GRID1: variants seen among roughly 807,000 people sequenced by gnomAD.
GRID1 encodes glutamate receptor ionotropic, delta-1.
In GRID1, 28 loss-of-function variants were observed where a neutral mutation model predicts 98.0. The observed-to-expected ratio is 0.29, with a 90% confidence interval of 0.21 to 0.39. GRID1 has a LOEUF of 0.39. Among genes scored for constraint, GRID1 ranks in the 10% least tolerant of loss-of-function variants. The pLI is 1.00. For synonymous variants in GRID1, 553 were observed against 538.5 expected, an observed-to-expected ratio of 1.03 and a Z score of -0.37; for missense variants, 1,111 against 1,340.5, an observed-to-expected ratio of 0.83 and a Z score of 2.67.
chr10:86,329,017 C>G (rs1424851450), intron 2 of GRID1, among the ~76,000 whole-genome samples: 1 of 152,216 alleles, frequency 6.6e-6, no homozygotes, highest in Non-Finnish European at 1.5e-5. Flanking sequence ...AGCCCAAAAG[C>G]CCTGTCACTA....
intron 2 of GRID1, among the ~76,000 whole-genome samples, chr10:86,215,879 G>A (rs1846170450): frequency 6.6e-6 from 1 of 152,084 alleles, no homozygotes; most frequent in Non-Finnish European, 1.5e-5. Flanking sequence ...AGTGATCAAA[G>A]TCCAGTTTGT....
chr10:86,239,761 G>A lies in GRID1; in HGVS notation c.236-33113C>T, dbSNP rs560519327. On this transcript the variant is annotated intron_variant, in intron 2 of 15. Coordinates refer to ENST00000327946, the MANE Select transcript of GRID1 (RefSeq NM_017551.3). ...CTTTCACCTTCCACCACGATTGTACGTTTTCAGAGGCCTCCTAACCATGCC... is the reference window on the plus strand; with the variant it reads ...CTTTCACCTTCCACCACGATTGTACATTTTCAGAGGCCTCCTAACCATGCC... 2.2e-4 allele frequency among the ~76,000 whole-genome samples: 34 copies of A among 152,270 alleles called. No individual in the cohort carries two copies. In the South Asian group the frequency reaches 3.3e-3, roughly 15 times the overall value.
At chr10:86,080,693 G>A (rs1490872144) in intron 4 of GRID1, among the ~76,000 whole-genome samples, 5 of 152,100 alleles carry the variant, frequency 3.3e-5, no homozygotes, top group Non-Finnish European at 7.4e-5. Flanking sequence ...GGAGTCAAGT[G>A]CAAGAGGTAC....
At chr10:85,882,575 G>T (rs1589286508) in intron 5 of GRID1, among the ~76,000 whole-genome samples, 2 of 152,064 alleles carry the variant, frequency 1.3e-5, no homozygotes, top group Admixed American at 1.3e-4. Context: ...TGAACAATGA[G>T]AACACATGGA....
intron 6 of GRID1, among the ~76,000 whole-genome samples, chr10:85,859,609 C>T (rs897709634): frequency 1.3e-5 from 2 of 152,122 alleles, no homozygotes; most frequent in Non-Finnish European, 2.9e-5. Context: ...TGTCTAAAAC[C>T]TCCTCAAAAC....
At chr10:85,983,393 C>A (rs181607035) in intron 4 of GRID1, among the ~76,000 whole-genome samples, 2 of 152,344 alleles carry the variant, frequency 1.3e-5, no homozygotes, top group Admixed American at 1.3e-4. Flanking sequence ...GCCCACTGCA[C>A]GGGACCCCAG....
At chr10:85,871,466 G>A (rs960046446) in intron 5 of GRID1, among the ~76,000 whole-genome samples, 2 of 152,158 alleles carry the variant, frequency 1.3e-5, no homozygotes, top group Non-Finnish European at 2.9e-5. Flanking sequence ...GGGCTAGCCA[G>A]GTTAAGAAAA....
chr10:85,920,079 G>A, intron 4 of GRID1, among the ~76,000 whole-genome samples: 1 of 152,168 alleles, frequency 6.6e-6, no homozygotes. Flanking sequence ...GACTTCTCCA[G>A]AGTGTGATCT....
chr10:85,984,872 CACTCTG>C (rs1842590265), intron 4 of GRID1, among the ~76,000 whole-genome samples: 1 of 131,670 alleles, frequency 7.6e-6, no homozygotes, highest in South Asian at 2.9e-4. Flanking sequence ...TGGCTCTTAA[CACTCTG>C]ACTCTTAATT....
intron 13 of GRID1, 31 bp downstream of exon 13, chr10:85,647,171 T>C: frequency 6.3e-7 from 1 of 1,588,584 alleles, no homozygotes; most frequent in East Asian, 2.2e-5. Context: ...CCTGTTACAG[T>C]GCACGTGCCC....
At chr10:85,635,054 A>G (rs1037653760) in intron 13 of GRID1, among the ~76,000 whole-genome samples, 2 of 150,514 alleles carry the variant, frequency 1.3e-5, no homozygotes, top group African/African-American at 4.9e-5. Flanking sequence ...AAGAGAAGTC[A>G]ACATCCTCCC....
At chr10:86,306,544 A>C (rs1847761151) in intron 2 of GRID1, among the ~76,000 whole-genome samples, 1 of 152,206 alleles carries the variant, frequency 6.6e-6, no homozygotes, top group Non-Finnish European at 1.5e-5. Flanking sequence ...AACCAAAGGG[A>C]CTTCAAGATG....
At chr10:86,346,720 C>G (rs566792556) in intron 2 of GRID1, among the ~76,000 whole-genome samples, 1 of 152,322 alleles carries the variant, frequency 6.6e-6, no homozygotes, top group South Asian at 2.1e-4. Context: ...CCCCACTAGG[C>G]AGAAGGATAA....
At chr10:85,662,845 A>G (rs1285531754) in intron 12 of GRID1, among the ~76,000 whole-genome samples, 1 of 152,174 alleles carries the variant, frequency 6.6e-6, no homozygotes, top group Non-Finnish European at 1.5e-5. Flanking sequence ...CACTCTCCTC[A>G]GGATGAAGGG....
At chr10:85,725,870 C>T (rs1434447155) in intron 10 of GRID1, among the ~76,000 whole-genome samples, 1 of 152,230 alleles carries the variant, frequency 6.6e-6, no homozygotes, top group East Asian at 1.9e-4. Flanking sequence ...ACTTGTCACA[C>T]TGGCATCTCT....
intron 14 of GRID1, among the ~76,000 whole-genome samples, chr10:85,614,664 A>G (rs535875808): frequency 6.6e-6 from 1 of 152,280 alleles, no homozygotes; most frequent in South Asian, 2.1e-4. Context: ...AAAAATGGCC[A>G]GTGAGACTAT....
At chr10:86,346,881 T>C (rs1366170437) in intron 2 of GRID1, among the ~76,000 whole-genome samples, 1 of 151,988 alleles carries the variant, frequency 6.6e-6, no homozygotes, top group Non-Finnish European at 1.5e-5. Context: ...ATGCATGGGG[T>C]AAGGAGAGGC....
intron 8 of GRID1, among the ~76,000 whole-genome samples, chr10:85,751,315 G>T (rs768598060): frequency 2.1e-4 from 32 of 152,200 alleles, no homozygotes; most frequent in Non-Finnish European, 2.6e-4. Context: ...CGCCAGGTTG[G>T]CTCTAAGAAG....
chr10:86,338,325 T>A (rs1043568820), intron 2 of GRID1, among the ~76,000 whole-genome samples: 1 of 152,152 alleles, frequency 6.6e-6, no homozygotes, highest in African/African-American at 2.4e-5. Flanking sequence ...GAATGTGGTC[T>A]TTTCTCTGCC....
Sources: gnomAD v4.1 joint callset for allele counts (sites outside exome capture counted in the v4.1 genomes callset) on GRCh38, gnomAD v4.1.1 for gene constraint, MANE v1.5 for transcripts, NCBI Gene and HGNC (gene_info 2026-07-23, HGNC 2026-07-21) for gene names.